Variants in OSBPL11 observed in about 807,000 individuals in gnomAD.
OSBPL11 encodes oxysterol-binding protein-related protein 11.
A neutral mutation model predicts 84.4 loss-of-function variants in OSBPL11; 33 were observed. The ratio of observed to expected loss-of-function variants is 0.39; its 90% CI spans 0.30 to 0.52. OSBPL11 has a LOEUF of 0.52. OSBPL11 is among the 20% of genes least tolerant of loss of function. The pLI is 0.72. For missense variants in OSBPL11, 736 were observed against 901.1 expected (o/e 0.82, Z 2.35); for synonymous variants, 276 against 310.2 (o/e 0.89, Z 1.16).
At chr3:125,533,588 A>G (rs1244010630) in intron 11 of OSBPL11, among the ~76,000 whole-genome samples, 2 of 152,370 alleles carry the variant, frequency 1.3e-5, no homozygotes, top group East Asian at 3.9e-4. Context: ...CTGAAAATCA[A>G]GTATCAAATA....
chr3:125,582,906 T>G lies in OSBPL11; in HGVS notation c.233+4A>C, dbSNP rs1431437074. ...ACTGATGTGACACAAATAATCACAC[T>G]TACCTGTACTGCCACCCAGTGACAA... On this transcript the variant is annotated splice_donor_region_variant and intron_variant, in intron 2 of 12. Transcript: ENST00000296220. 1 of 1,586,334 alleles carries G rather than the reference T, an allele frequency of 6.3e-7. No individual in the cohort carries two copies. Among genetic ancestry groups the G allele is most frequent in the African/African-American group, 1.4e-5 (1 of 73,152 alleles).
Position 125,530,438 on chromosome 3 carries a change from G to GT in OSBPL11, c.*76dup. The stretch of plus-strand genomic sequence containing the variant: ...GCGCAATCAGGAAGCAGGTCACTCA[G>GT]TGCAATGACTCCATTCTGGGAGGAT... On this transcript the variant is annotated 3_prime_UTR_variant, in exon 13 of 13. Transcript: ENST00000296220. The GT allele has an allele frequency of 3.0e-6, 4 of 1,323,756 alleles. No homozygotes were observed. Among genetic ancestry groups the GT allele is most frequent in the Non-Finnish European group, 4.4e-6 (4 of 918,824 alleles). 82.0% of individuals were successfully genotyped at this position (1,323,756 alleles called of 1,614,324 possible). A position where few individuals can be genotyped will look rare whatever the true frequency, so the allele number is the denominator to read the frequency against.
intron 5 of OSBPL11, among the ~76,000 whole-genome samples, chr3:125,574,866 G>C (rs1302882595): frequency 3.3e-5 from 5 of 152,088 alleles, no homozygotes; most frequent in African/African-American, 1.2e-4. Context: ...ATCATGGATA[G>C]GTTAAAGATC....
intron 4 of OSBPL11, among the ~76,000 whole-genome samples, chr3:125,577,552 G>T (rs182548873): frequency 8.5e-4 from 129 of 152,274 alleles, no homozygotes; most frequent in African/African-American, 2.9e-3. Flanking sequence ...CTCTCGCTGG[G>T]CGTGGTGGCT....
At chr3:125,582,815 C>G in intron 2 of OSBPL11, 95 bp downstream of exon 2, 3 of 928,548 alleles carry the variant, frequency 3.2e-6, no homozygotes, top group Non-Finnish European at 3.3e-6. Flanking sequence ...GTTTCCCAGC[C>G]ATGTCTGTCT....
chr3:125,538,840 T>C (rs542642430), intron 10 of OSBPL11, among the ~76,000 whole-genome samples: 3 of 152,274 alleles, frequency 2.0e-5, no homozygotes, highest in Non-Finnish European at 4.4e-5. Flanking sequence ...TTTTAATCTT[T>C]AGGAAAAAGG....
At chr3:125,531,595 C>A (rs544020072) in intron 12 of OSBPL11, among the ~76,000 whole-genome samples, 1 of 151,952 alleles carries the variant, frequency 6.6e-6, no homozygotes, top group Admixed American at 6.6e-5. Flanking sequence ...CCGGCCACCC[C>A]CTAGCTCATT....
chr3:125,583,003 G>A, intron 1 of OSBPL11, 25 bp from the exon 2 acceptor site: 1 of 1,534,360 alleles, frequency 6.5e-7, no homozygotes, highest in African/African-American at 1.4e-5. Flanking sequence ...AAAAGCCAAA[G>A]TTAGTAAAAA....
At chr3:125,543,771 G>A (rs1580039183) in intron 10 of OSBPL11, among the ~76,000 whole-genome samples, 2 of 152,022 alleles carry the variant, frequency 1.3e-5, no homozygotes, top group African/African-American at 4.8e-5. Flanking sequence ...ATCGTGGCAC[G>A]TGCCTGTAAT....
At chr3:125,581,809 CA>C (rs986869248) in intron 2 of OSBPL11, among the ~76,000 whole-genome samples, 8 of 146,830 alleles carry the variant, frequency 5.4e-5, no homozygotes, top group Admixed American at 1.4e-4. Context: ...CCTGTCTTTA[CA>C]AAAAAAAATA....
intron 12 of OSBPL11, among the ~76,000 whole-genome samples, chr3:125,530,942 C>T (rs1028318182): frequency 2.0e-5 from 3 of 152,056 alleles, no homozygotes; most frequent in Non-Finnish European, 2.9e-5. Flanking sequence ...TAACTGTTCT[C>T]CCTGTCTCCA....
rs1460968993 is a variant in OSBPL11, at chr3:125,547,322, A to C, written c.1841+84T>G. ...TTAATACAAATCCAACTTCACATAG[A>C]ACAGAGCAGAAAAAGAATAAGGAGT... On this transcript the variant is annotated intron_variant, in intron 10 of 12. Coordinates refer to ENST00000296220, the MANE Select transcript of OSBPL11 (RefSeq NM_022776.5). 3.4e-6 allele frequency: 4 copies of C among 1,184,162 alleles called. No homozygotes were observed. In the Admixed American group the frequency reaches 8.6e-5, roughly 25 times the overall value. 73.4% of individuals were successfully genotyped at this position (1,184,162 alleles called of 1,614,324 possible).
chr3:125,557,944 C>T (rs1170082560), intron 8 of OSBPL11, among the ~76,000 whole-genome samples: 1 of 151,748 alleles, frequency 6.6e-6, no homozygotes, highest in Non-Finnish European at 1.5e-5. Flanking sequence ...AGTCGTGCAC[C>T]ACCATGCCCA....
rs1393311942 is a variant in OSBPL11, at chr3:125,580,048, GATT to G, written c.234-11_234-9del. 1 of 1,598,582 alleles carries G rather than the reference GATT, an allele frequency of 6.3e-7. No homozygotes were observed. The highest frequency in any genetic ancestry group is 8.5e-7 in the Non-Finnish European group (1 of 1,173,944). On this transcript the variant is annotated splice_polypyrimidine_tract_variant and intron_variant, in intron 2 of 12. Transcript: ENST00000296220. ...TTGTTTAAAACAAAAAACCTGTAATGATTTTTTAAAATCCATAATTTGTAAACA... is the reference window on the plus strand; with the variant it reads ...TTGTTTAAAACAAAAAACCTGTAATGTTTTAAAATCCATAATTTGTAAACA...
chr3:125,535,936 C>G (rs896358915), intron 11 of OSBPL11, among the ~76,000 whole-genome samples: 2 of 151,332 alleles, frequency 1.3e-5, no homozygotes, highest in African/African-American at 4.8e-5. Context: ...AGTTCAAGAC[C>G]AGCCTGACCA....
intron 3 of OSBPL11, 143 bp downstream of exon 3, chr3:125,579,722 G>GCA: frequency 1.4e-6 from 1 of 716,730 alleles, no homozygotes; most frequent in Non-Finnish European, 2.3e-6. Flanking sequence ...AATTCTCAAA[G>GCA]CAGTTCCAAG....
intron 2 of OSBPL11, among the ~76,000 whole-genome samples, chr3:125,582,402 T>C (rs1429491961): frequency 6.6e-6 from 1 of 152,150 alleles, no homozygotes. Context: ...TGTTCTATAA[T>C]AGAACTTGGT....
chr3:125,574,830 A>T (rs1247799620), intron 5 of OSBPL11, among the ~76,000 whole-genome samples: 1 of 152,198 alleles, frequency 6.6e-6, no homozygotes, highest in African/African-American at 2.4e-5. Flanking sequence ...CAAAATGACT[A>T]ATGCATGCCT....
chr3:125,580,693 C>G (rs1936411263), intron 2 of OSBPL11, among the ~76,000 whole-genome samples: 1 of 152,050 alleles, frequency 6.6e-6, no homozygotes. Flanking sequence ...AGAGGGTAAA[C>G]TGCCAAAGGA....
Sources: allele counts gnomAD v4.1 joint callset (sites outside exome capture counted in the v4.1 genomes callset), GRCh38; gene constraint gnomAD v4.1.1; transcripts MANE v1.5; gene names NCBI Gene and HGNC (gene_info 2026-07-23, HGNC 2026-07-21).